The following ATP13A2 variants were observed in gnomAD, a reference collection of about 807,000 sequenced individuals.
ATP13A2 encodes polyamine-transporting ATPase 13A2.
ATP13A2 carries 83 observed loss-of-function variants against 138.3 expected under a neutral mutation model. That is an observed-to-expected ratio of 0.60 (90% CI 0.50 to 0.72). ATP13A2 has a LOEUF of 0.72. Among genes scored for constraint, ATP13A2 ranks in the 30% least tolerant of loss-of-function variants. ATP13A2 has a pLI of 0.00. For missense variants in ATP13A2, 1,402 were observed against 1,606.4 expected (o/e 0.87, Z 2.17); for synonymous variants, 663 against 699.0 (o/e 0.95, Z 0.81).
Position 16,986,234 on chromosome 1 carries a change from C to T in ATP13A2, c.3530G>A (p.Gly1177Asp), listed in dbSNP as rs1453755351. ...AEQPWPPLPAGPLR is the reference protein window; with the variant it reads ...AEQPWPPLPADPLR Reference sequence around the variant, plus strand: ...CGTGGGCCTGCACTACCTCAGGGGGCCGGCGGGCAGCGGCGGCCAGGGCTG... The same window carrying T: ...CGTGGGCCTGCACTACCTCAGGGGGTCGGCGGGCAGCGGCGGCCAGGGCTG... Residue 1177 changes from glycine to aspartate, a missense_variant, in exon 29 of 29, where the codon GGC (glycine) becomes GAC (aspartate). By Grantham distance (94) the Gly-to-Asp change is moderately conservative. Transcript: ENST00000326735. The surrounding 1 kb of genome is among the most constrained non-coding windows in gnomAD (Gnocchi z 6.9). The T allele has an allele frequency of 6.2e-7, 1 of 1,611,568 alleles. No individual in the cohort carries two copies. Among genetic ancestry groups the T allele is most frequent in the Non-Finnish European group, 8.5e-7 (1 of 1,179,282 alleles).
chr1:16,991,583 A>G (rs1287064772), intron 20 of ATP13A2, 151 bp downstream of exon 20: 1 of 1,121,836 alleles, frequency 8.9e-7, no homozygotes, highest in Admixed American at 1.8e-5. Context: ...CGGGGGGGAT[A>G]TTGTGAAGAT....
chr1:16,989,515 A>G (rs2076848856), intron 23 of ATP13A2, among the ~76,000 whole-genome samples, 176 bp downstream of exon 23: 1 of 152,200 alleles, frequency 6.6e-6, no homozygotes, highest in Non-Finnish European at 1.5e-5. Context: ...CCAGCCTACA[A>G]TTATTATTTT....
Position 16,989,545 on chromosome 1 carries a change from G to A in ATP13A2, c.2609+146C>T, listed in dbSNP as rs1347531131. 1.7e-5 allele frequency: 13 copies of A among 773,440 alleles called. No homozygotes were observed. The East Asian group carries it at 2.9e-4, about 17-fold the overall frequency. The allele number at this position is 773,440 out of a possible 1,614,324, so 47.9% of individuals were successfully genotyped here. The stretch of plus-strand genomic sequence containing the variant: ...TATTTTTAGCATGAAAGACCTGGGA[G>A]AGCCTGCCTGCTTTTGGTGAGGAGG... On this transcript the variant is annotated intron_variant, in intron 23 of 28. Coordinates refer to ENST00000326735, the MANE Select transcript of ATP13A2 (RefSeq NM_022089.4).
In ATP13A2 at chr1:16,990,128, T is replaced by C; in HGVS notation, c.2411A>G (p.Lys804Arg). 6.2e-7 allele frequency: 1 copy of C among 1,614,156 alleles called. No individual in the cohort carries two copies. The highest frequency in any genetic ancestry group is 8.5e-7 in the Non-Finnish European group (1 of 1,180,010). ...MESPTAVNGV[K>R]DPDQAASYTV... ...GCTGGAACTCTGGGTTAGCCTCACCTTAACGCCATTCACGGCTGTGGGGGA... is the reference window on the plus strand; with the variant it reads ...GCTGGAACTCTGGGTTAGCCTCACCCTAACGCCATTCACGGCTGTGGGGGA... Residue 804 changes from lysine (K) to arginine (R), a missense_variant and splice_region_variant, in exon 21 of 29, where the codon AAG becomes AGG. Physicochemically the swap from Lys to Arg is conservative, Grantham distance 26. Transcript: ENST00000326735.
chr1:17,010,618 C>T (rs1198149536), intron 1 of ATP13A2, among the ~76,000 whole-genome samples: 1 of 152,170 alleles, frequency 6.6e-6, no homozygotes, highest in African/African-American at 2.4e-5. Context: ...CATTCTTTCC[C>T]ACAGCCATTC....
chr1:16,989,681 G>A lies in ATP13A2; in HGVS notation c.2609+10C>T, dbSNP rs759204814. ...CAGGCCCTTGCCCACACCCTCTGCCGAGCACTCACTGAAGCTTCTGTAGCT... is the reference window on the plus strand; with the variant it reads ...CAGGCCCTTGCCCACACCCTCTGCCAAGCACTCACTGAAGCTTCTGTAGCT... On this transcript the variant is annotated intron_variant, in intron 23 of 28. Transcript: ENST00000326735. The A allele has an allele frequency of 1.7e-4, 268 of 1,613,884 alleles. 2 individuals carry two copies. In the East Asian group the frequency reaches 5.7e-3, roughly 34 times the overall value.
intron 19 of ATP13A2, 50 bp downstream of exon 19, chr1:16,991,959 G>A (rs1261134617): frequency 2.5e-6 from 4 of 1,608,600 alleles, no homozygotes; most frequent in Non-Finnish European, 2.6e-6. Flanking sequence ...CTGCGTGAGA[G>A]CCTCCCTCTG....
intron 8 of ATP13A2, 57 bp from the exon 9 acceptor site, chr1:17,000,591 C>T: frequency 1.3e-6 from 2 of 1,587,738 alleles, no homozygotes; most frequent in Non-Finnish European, 1.7e-6. Flanking sequence ...AGCCCAGCCA[C>T]AGGCTGGGTC....
At chr1:16,990,085 G>A in intron 21 of ATP13A2, 42 bp downstream of exon 21, 1 of 1,614,040 alleles carries the variant, frequency 6.2e-7, no homozygotes, top group East Asian at 2.2e-5. Flanking sequence ...CAGGGGTGGG[G>A]TCACTGGGTG....
rs140118225 is a variant in ATP13A2 at position 16,989,573 on chromosome 1, T to C, written c.2609+118A>G. 2,496 of 971,186 alleles carry C rather than the reference T, an allele frequency of 2.6e-3. 38 individuals carry two copies. In the African/African-American group the frequency reaches 0.036, roughly 14 times the overall value. 60.2% of individuals were successfully genotyped at this position (971,186 alleles called of 1,614,324 possible). On this transcript the variant is annotated intron_variant, in intron 23 of 28. Transcript: ENST00000326735. ...CCTGCCTGCTTTTGGTGAGGAGGGG[T>C]GACAGCTCTCTGGTGCCTGAGGAGG... is the stretch of plus-strand genomic sequence containing the variant.
chr1:17,005,747 G>A lies in ATP13A2; in HGVS notation c.42C>T (p.Thr14=), dbSNP rs371850140. ...TCCCTATCGTCAGGGTCCCATAACC[G>A]GTGGGCGTGCTGCCCACGAGAGGGC... ...DSSPLVGSTP[T]GYGTLTIGTS... Residue 14 remains threonine, a synonymous_variant, in exon 2 of 29, where the codon ACC becomes ACT. Transcript: ENST00000326735. 3.5e-5 allele frequency: 57 copies of A among 1,612,712 alleles called. No homozygotes were observed. The highest frequency in any genetic ancestry group is 1.3e-4 in the East Asian group (6 of 44,818).
rs776752651 is a variant in ATP13A2 at position 16,986,124 on chromosome 1, G to C, written c.*97C>G. 1.3e-6 allele frequency: 2 copies of C among 1,592,536 alleles called. No individual in the cohort carries two copies. Among genetic ancestry groups the C allele is most frequent in the East Asian group, 4.5e-5 (2 of 44,068 alleles). On this transcript the variant is annotated 3_prime_UTR_variant, in exon 29 of 29. Coordinates refer to ENST00000326735, the MANE Select transcript of ATP13A2 (RefSeq NM_022089.4). This position sits in a 1 kb window ranked among gnomAD's most constrained non-coding sequence, Gnocchi z 6.9. ...AGTGTAGACAGTCGCCAACCTCAGGGATGTGGGAGGTGGTGGCGGTGGTGT... is the reference window on the plus strand; with the variant it reads ...AGTGTAGACAGTCGCCAACCTCAGGCATGTGGGAGGTGGTGGCGGTGGTGT...
In ATP13A2 at chr1:16,996,079, C is replaced by T. The variant is rs542458775; in HGVS notation, c.1439G>A (p.Cys480Tyr). The change falls in exon 15 of 29, where the codon TGC becomes TAC. Residue 480 changes from cysteine (C) to tyrosine (Y), a missense_variant. Cys to Tyr is a radical substitution (Grantham distance 194, BLOSUM62 -2). Coordinates refer to ENST00000326735, the MANE Select transcript of ATP13A2 (RefSeq NM_022089.4). ...CAGTCGGCTCTGGGCGTAGAGCGTG[C>T]ACACAGTCATGGCAGCAGGCAGGGC... Reference protein sequence around the residue: ...PPALPAAMTVCTLYAQSRLRR... With the variant: ...PPALPAAMTVYTLYAQSRLRR... 1.9e-6 allele frequency: 3 copies of T among 1,614,138 alleles called. No homozygotes were observed. The highest frequency in any genetic ancestry group is 1.1e-5 in the South Asian group (1 of 91,088).
At position 16,986,167 on chromosome 1, in the gene ATP13A2, G is replaced by C; in HGVS notation, c.*54C>G. The stretch of plus-strand genomic sequence containing the variant: ...GGTGGTGTTGCTGGAGAGGGGTCCA[G>C]TTGGTGGCTCAGAGGCAGGGAGTTC... On this transcript the variant is annotated 3_prime_UTR_variant, in exon 29 of 29. Transcript: ENST00000326735. This position sits in a 1 kb window ranked among gnomAD's most constrained non-coding sequence, Gnocchi z 6.9. The C allele has an allele frequency of 1.9e-6, 3 of 1,611,302 alleles. No homozygotes were observed. Among genetic ancestry groups the C allele is most frequent in the Non-Finnish European group, 2.5e-6 (3 of 1,179,174 alleles).
intron 11 of ATP13A2, among the ~76,000 whole-genome samples, chr1:16,997,640 G>A (rs1467064142): frequency 2.0e-5 from 3 of 152,064 alleles, no homozygotes; most frequent in Non-Finnish European, 4.4e-5. Flanking sequence ...CCAGGAGTTC[G>A]GGACCAGGCT....
rs149146335 is a variant in ATP13A2 at position 16,988,105 on chromosome 1, C to T, written c.2859+33G>A. 3.7e-4 allele frequency: 588 copies of T among 1,590,120 alleles called. 2 individuals are homozygous for T. The African/African-American group carries it at 6.0e-3, about 16-fold the overall frequency. On this transcript the variant is annotated intron_variant, in intron 25 of 28. Transcript: ENST00000326735. ...CTGTGTCCCCTCCCTAGTCCTGGGA[C>T]GGCTCTGGGTACGGAGCTCTGCAGA... is the stretch of plus-strand genomic sequence containing the variant.
At chr1:16,997,508 T>C (rs1221192066) in intron 11 of ATP13A2, among the ~76,000 whole-genome samples, 1 of 151,682 alleles carries the variant, frequency 6.6e-6, no homozygotes, top group African/African-American at 2.4e-5. Flanking sequence ...AATTATTTTA[T>C]AACATGCATG....
At chr1:17,000,885 T>C (rs1043817884) in intron 8 of ATP13A2, 3 of 275,446 alleles carry the variant, frequency 1.1e-5, no homozygotes, top group Non-Finnish European at 2.1e-5. Context: ...GAGGGTGCAG[T>C]GAGCTGAGAT....
chr1:17,007,752 C>G (rs530429848), intron 1 of ATP13A2, among the ~76,000 whole-genome samples: 2 of 152,148 alleles, frequency 1.3e-5, no homozygotes, highest in Admixed American at 1.3e-4. Context: ...GGGGTTTCAC[C>G]GTGTTAGCCA....
Sources: allele counts gnomAD v4.1 joint callset (sites outside exome capture counted in the v4.1 genomes callset), GRCh38; gene constraint gnomAD v4.1.1; non-coding constraint Gnocchi (gnomAD v3.1); transcripts MANE v1.5; gene names NCBI Gene and HGNC (gene_info 2026-07-23, HGNC 2026-07-21).